The following MYO16 variants were observed in gnomAD, a reference collection of about 807,000 sequenced individuals.
MYO16 encodes unconventional myosin-XVI.
Under a neutral mutation model 205.3 loss-of-function variants are expected in MYO16, and 94 were observed. The ratio of observed to expected loss-of-function variants is 0.46; its 90% CI spans 0.39 to 0.54. The LOEUF is 0.54. Among genes scored for constraint, MYO16 ranks in the 20% least tolerant of loss-of-function variants. MYO16 has a pLI of 0.00. For synonymous variants in MYO16, 988 were observed against 954.0 expected (o/e 1.04, Z -0.66); for missense variants, 2,315 against 2,387.5 (o/e 0.97, Z 0.63).
chr13:108,547,584 T>A, the MYO16 span, among the ~76,000 whole-genome samples: 21 of 152,222 alleles, frequency 1.4e-4, no homozygotes, highest in African/African-American at 5.1e-4. Context: ...TTAGTTAAAA[T>A]TTATTGGATC....
At chr13:108,784,391 T>G (rs139800973) in intron 4 of MYO16, among the ~76,000 whole-genome samples, 5 of 152,316 alleles carry the variant, frequency 3.3e-5, no homozygotes, top group African/African-American at 9.6e-5. Context: ...TTTACATGGT[T>G]ATAGAAAATA....
At chr13:108,922,013 G>A (rs1594397917) in intron 16 of MYO16, among the ~76,000 whole-genome samples, 2 of 152,166 alleles carry the variant, frequency 1.3e-5, no homozygotes, top group African/African-American at 2.4e-5. Context: ...TTATGATTTG[G>A]AGTTAGAGGT....
chr13:109,081,490 C>T (rs1246125199), intron 27 of MYO16, among the ~76,000 whole-genome samples: 1 of 152,082 alleles, frequency 6.6e-6, no homozygotes, highest in Non-Finnish European at 1.5e-5. Context: ...GACAGACACC[C>T]CGCACTGTGG....
chr13:108,954,788 G>A (rs1192523368), intron 16 of MYO16, among the ~76,000 whole-genome samples: 4 of 152,158 alleles, frequency 2.6e-5, no homozygotes, highest in African/African-American at 7.2e-5. Flanking sequence ...TTTATAGATT[G>A]CAGACAGAAA....
intron 9 of MYO16, among the ~76,000 whole-genome samples, chr13:108,832,646 A>G (rs1876686536): frequency 6.6e-6 from 1 of 152,158 alleles, no homozygotes. Context: ...AAACTGTGGC[A>G]TAAAATTTCT....
At chr13:109,176,572 G>C (rs930716943) in intron 33 of MYO16, among the ~76,000 whole-genome samples, 13 of 26,286 alleles carry the variant, frequency 4.9e-4, no homozygotes, top group African/African-American at 3.2e-3. Flanking sequence ...AAAATATTGT[G>C]CTGGTAAAAA....
At chr13:108,554,635 G>A in the MYO16 span, among the ~76,000 whole-genome samples, 8 of 152,106 alleles carry the variant, frequency 5.3e-5, no homozygotes, top group Non-Finnish European at 1.0e-4. Context: ...GGATCACGAT[G>A]TCAGGAGATC....
intron 2 of MYO16, among the ~76,000 whole-genome samples, chr13:108,677,213 C>A (rs1270124792): frequency 2.0e-5 from 3 of 151,752 alleles, no homozygotes; most frequent in African/African-American, 7.3e-5. Context: ...TTCTTTCCTG[C>A]CCTAATGAAC....
chr13:109,199,240 A>G lies in MYO16; in HGVS notation c.5416-7369A>G, dbSNP rs1464671492. The stretch of plus-strand genomic sequence containing the variant: ...TATATATATATATATATATATATAT[A>G]CCGTCATTTTGCCTCGCTCCATCTC... On this transcript the variant is annotated intron_variant, in intron 34 of 34. Transcript: ENST00000457511. Among the ~76,000 whole-genome samples the G allele has an allele frequency of 2.0e-3, 191 of 94,016 alleles. 1 individual carries two copies. The highest frequency in any genetic ancestry group is 2.9e-3 in the Non-Finnish European group (135 of 46,370). The allele number at this position is 94,016 out of a possible 152,430, so 61.7% of individuals were successfully genotyped here.
At chr13:109,013,114 A>ACC (rs1181676669) in intron 22 of MYO16, among the ~76,000 whole-genome samples, 4,415 of 54,962 alleles carry the variant, frequency 0.08, 225 homozygotes, top group Non-Finnish European at 0.089. Flanking sequence ...CCCCTCCCCC[A>ACC]CCCCCCCCCA....
rs73603933 is a variant in MYO16, at chr13:109,175,308, T to A, written c.5324-4234T>A. On this transcript the variant is annotated intron_variant, in intron 33 of 34. Coordinates refer to ENST00000457511, the MANE Select transcript of MYO16 (RefSeq NM_001198950.3). ...AGGGAGAACAGAGGCTGCTTCTTCC[T>A]GCTAAACCTTCAATCAAGGCCAAAG... Among the ~76,000 whole-genome samples, 549 of 152,298 alleles carry A rather than the reference T, an allele frequency of 3.6e-3. 1 individual carries two copies. The highest frequency in any genetic ancestry group is 0.013 in the African/African-American group (529 of 41,560).
chr13:108,571,904 G>A, the MYO16 span, among the ~76,000 whole-genome samples: 1 of 150,392 alleles, frequency 6.6e-6, no homozygotes, highest in African/African-American at 2.4e-5. Flanking sequence ...AAGTTTCGTT[G>A]TTGTTTTTTG....
rs1877012128 is a variant in MYO16, at chr13:109,140,604, C to A, written c.4392C>A (p.Asp1464Glu). 1.3e-6 allele frequency: 2 copies of A among 1,519,804 alleles called. No individual in the cohort carries two copies. The highest frequency in any genetic ancestry group is 2.6e-5 in the East Asian group (1 of 38,152). 94.1% of individuals were successfully genotyped at this position (1,519,804 alleles called of 1,614,324 possible). ...AGATGAAGTGTTGCCTGCCCGACGA[C>A]GGCGGCCCGGGCGCGGGCTCCTTCC... ...YEEMKCCLPD[D>E]GGPGAGSFLL... is the part of the protein sequence containing the mutation. Residue 1464 changes from aspartate to glutamate, a missense_variant, in exon 32 of 35, where the codon GAC becomes GAA. Transcript: ENST00000457511. The surrounding 1 kb of genome is among the most constrained non-coding windows in gnomAD (Gnocchi z 8.0).
At chr13:108,519,648 C>CA in the MYO16 span, among the ~76,000 whole-genome samples, 31,464 of 135,934 alleles carry the variant, frequency 0.23, 5,174 homozygotes, top group African/African-American at 0.48. Flanking sequence ...CACACACACA[C>CA]CCACACACAC....
intron 7 of MYO16, among the ~76,000 whole-genome samples, chr13:108,809,122 G>T (rs1410187314): frequency 1.3e-5 from 2 of 152,186 alleles, no homozygotes; most frequent in African/African-American, 4.8e-5. Context: ...AGATGCAAAG[G>T]AATTAAGATT....
chr13:108,853,060 T>C (rs7991080), intron 10 of MYO16, among the ~76,000 whole-genome samples: 60,993 of 152,056 alleles, frequency 0.4, 13,034 homozygotes, highest in Non-Finnish European at 0.49. Flanking sequence ...GTGTGACCGA[T>C]GAAAGCAGAA....
rs1487260502 is a variant in MYO16, at chr13:108,855,677, A to G, written c.1359+124A>G. The G allele has an allele frequency of 1.6e-5, 10 of 614,854 alleles. No individual in the cohort carries two copies. The Admixed American group carries it at 2.7e-4, about 17-fold the overall frequency. The allele number at this position is 614,854 out of a possible 1,614,324, so 38.1% of individuals were successfully genotyped here. On this transcript the variant is annotated intron_variant, in intron 11 of 34. Coordinates refer to ENST00000457511, the MANE Select transcript of MYO16 (RefSeq NM_001198950.3). ...GAGCTTCTGGTAGTGGTGATAGCTG[A>G]AGTTGAATTTCTTAAGGTGAGTTTA...
chr13:109,205,711 C>T (rs1880571456), intron 34 of MYO16, among the ~76,000 whole-genome samples: 1 of 152,138 alleles, frequency 6.6e-6, no homozygotes, highest in Non-Finnish European at 1.5e-5. Flanking sequence ...GCCAGCTTGT[C>T]TTGTGCCCTA....
intron 24 of MYO16, among the ~76,000 whole-genome samples, chr13:109,050,115 T>C (rs923761419): frequency 7.2e-5 from 11 of 152,158 alleles, no homozygotes; most frequent in African/African-American, 2.7e-4. Context: ...ACTACTCATA[T>C]CTAATCCAGA....
Sources: gnomAD v4.1 joint callset for allele counts (sites outside exome capture counted in the v4.1 genomes callset) on GRCh38, gnomAD v4.1.1 for gene constraint, Gnocchi (gnomAD v3.1) non-coding constraint, MANE v1.5 for transcripts, NCBI Gene and HGNC (gene_info 2026-07-23, HGNC 2026-07-21) for gene names.